Variants in TNS3 observed in about 807,000 individuals in gnomAD.
The protein encoded by TNS3 is tensin-3.
A neutral mutation model predicts 140.9 loss-of-function variants in TNS3; 45 were observed. The observed-to-expected ratio is 0.32, with a 90% CI of 0.25 to 0.41. The LOEUF is 0.41. TNS3 is among the 10% of genes least tolerant of loss of function. TNS3 has a pLI of 1.00. For synonymous variants in TNS3, 815 were observed against 788.4 expected, an observed-to-expected ratio of 1.03 and a Z score of -0.56; for missense variants, 1,716 against 1,906.7, an observed-to-expected ratio of 0.90 and a Z score of 1.86.
chr7:47,444,486 A>G (rs186192915), intron 4 of TNS3, among the ~76,000 whole-genome samples: 1 of 152,328 alleles, frequency 6.6e-6, no homozygotes, highest in East Asian at 1.9e-4. Context: ...GATGACAACC[A>G]CACAAATACG....
chr7:47,405,673 A>G, intron 13 of TNS3: 2 of 682,066 alleles, frequency 2.9e-6, no homozygotes, highest in Non-Finnish European at 2.7e-6. Flanking sequence ...AGGGAGAGGA[A>G]AAGGCAATCA....
intron 13 of TNS3, among the ~76,000 whole-genome samples, chr7:47,410,444 T>A (rs969129349): frequency 6.6e-6 from 1 of 152,202 alleles, no homozygotes; most frequent in Non-Finnish European, 1.5e-5. Context: ...AGACCTGCCT[T>A]CCAGGCCTGA....
At chr7:47,462,936 G>C (rs1319095173) in intron 4 of TNS3, among the ~76,000 whole-genome samples, 1 of 152,156 alleles carries the variant, frequency 6.6e-6, no homozygotes, top group African/African-American at 2.4e-5. Flanking sequence ...CTCAGGGAAA[G>C]AATCATTAAG....
intron 1 of TNS3, among the ~76,000 whole-genome samples, chr7:47,574,230 AC>A (rs1005484524): frequency 6.6e-6 from 1 of 151,730 alleles, no homozygotes; most frequent in African/African-American, 2.4e-5. Flanking sequence ...AAACCAAGCA[AC>A]CCCGAAGGCT....
chr7:47,305,228 A>T (rs186970839), intron 20 of TNS3, among the ~76,000 whole-genome samples: 2 of 152,316 alleles, frequency 1.3e-5, no homozygotes, highest in African/African-American at 4.8e-5. Context: ...GTTTCCAAAA[A>T]TAAAGCGACC....
In TNS3 at chr7:47,303,501, C is replaced by T. The variant is rs761353343; in HGVS notation, c.2906G>A (p.Ser969Asn). The change falls in exon 22 of 31, where the codon AGT (serine) becomes AAT (asparagine). Residue 969 changes from serine to asparagine, a missense_variant. Around this residue, in one of 3 missense-constraint regions of TNS3, gnomAD observed 1,163 missense variants for 1,182.1 expected, o/e 0.98. Transcript: ENST00000311160. Reference sequence around the variant, plus strand: ...ACCGGAGAACTCAGCGCTGAGGGGACTTCCGGTGGGCCGGCCGCTCCCCAG... The same window carrying T: ...ACCGGAGAACTCAGCGCTGAGGGGATTTCCGGTGGGCCGGCCGCTCCCCAG... The part of the protein sequence containing the change: ...SLLGSGRPTG[S>N]PLSAEFSGTR... 1.7e-5 allele frequency: 27 copies of T among 1,609,806 alleles called. No homozygotes were observed. The South Asian group carries it at 3.0e-4, about 18-fold the overall frequency.
At chr7:47,433,758 G>A (rs917999466) in intron 8 of TNS3, among the ~76,000 whole-genome samples, 2 of 152,154 alleles carry the variant, frequency 1.3e-5, no homozygotes, top group African/African-American at 4.8e-5. Flanking sequence ...AGCTTGCTAC[G>A]TGATCCTGGG....
chr7:47,567,178 A>G (rs1800448318), intron 1 of TNS3, among the ~76,000 whole-genome samples: 2 of 152,206 alleles, frequency 1.3e-5, no homozygotes, highest in Admixed American at 6.5e-5. Context: ...CATACTGTGC[A>G]ACAATCTACA....
At chr7:47,344,234 C>G (rs948267941) in intron 20 of TNS3, among the ~76,000 whole-genome samples, 1 of 152,158 alleles carries the variant, frequency 6.6e-6, no homozygotes, top group African/African-American at 2.4e-5. Flanking sequence ...AACACTCTCT[C>G]GCCTGAGCCA....
intron 4 of TNS3, among the ~76,000 whole-genome samples, chr7:47,463,804 T>C (rs1391908611): frequency 2.0e-5 from 3 of 152,218 alleles, no homozygotes; most frequent in Non-Finnish European, 2.9e-5. Context: ...CACAAAATTG[T>C]CCTTGGTATT....
chr7:47,439,914 G>A (rs1177128832), intron 5 of TNS3, among the ~76,000 whole-genome samples: 2 of 152,130 alleles, frequency 1.3e-5, no homozygotes, highest in African/African-American at 2.4e-5. Context: ...GTCAGGGAAC[G>A]CACAGAGAGA....
chr7:47,318,574 G>A (rs765162704), intron 20 of TNS3, among the ~76,000 whole-genome samples: 2 of 152,144 alleles, frequency 1.3e-5, no homozygotes, highest in Non-Finnish European at 2.9e-5. Context: ...GAAAAGAAAA[G>A]AGCCATCTGA....
At chr7:47,340,090 TAC>T (rs1788881448) in intron 20 of TNS3, among the ~76,000 whole-genome samples, 1 of 80,348 alleles carries the variant, frequency 1.2e-5, no homozygotes, top group Non-Finnish European at 2.6e-5. Context: ...TGTGTGCATA[TAC>T]ATATATATAT....
chr7:47,437,452 G>A, intron 6 of TNS3, 139 bp from the exon 7 acceptor site: 3 of 299,504 alleles, frequency 1.0e-5, no homozygotes, highest in Non-Finnish European at 1.7e-5. Flanking sequence ...CAAATCAGGG[G>A]GAAAAAAAGC....
At chr7:47,574,569 G>A (rs777210147) in intron 1 of TNS3, among the ~76,000 whole-genome samples, 2 of 151,922 alleles carry the variant, frequency 1.3e-5, no homozygotes, top group Non-Finnish European at 1.5e-5. Flanking sequence ...CCGAAGGGTA[G>A]AAGTAACTGA....
chr7:47,276,764 G>C lies in TNS3; in HGVS notation c.*1312C>G, dbSNP rs1784885944. 1 of 152,178 alleles carries C rather than the reference G, an allele frequency of 6.6e-6. No homozygotes were observed. The highest frequency in any genetic ancestry group is 1.5e-5 in the Non-Finnish European group (1 of 68,066). 9.4% of individuals were successfully genotyped at this position (152,178 alleles called of 1,614,324 possible). On this transcript the variant is annotated 3_prime_UTR_variant, in exon 31 of 31. Transcript: ENST00000311160. ...AGTGGCTTAGATGATGGCAAACAGTGGCACTCAAAAACAGCTTGTCAGTAC... is the reference window on the plus strand; with the variant it reads ...AGTGGCTTAGATGATGGCAAACAGTCGCACTCAAAAACAGCTTGTCAGTAC...
chr7:47,310,936 A>G (rs1053915067), intron 20 of TNS3, among the ~76,000 whole-genome samples: 3 of 152,184 alleles, frequency 2.0e-5, no homozygotes, highest in Non-Finnish European at 4.4e-5. Context: ...TCCATGGTGT[A>G]TATGTGCCAC....
In TNS3 at chr7:47,303,279, T is replaced by C. The variant is rs777102259; in HGVS notation, c.3128A>G (p.Asn1043Ser). ...PEEDLGALLA[N>S]SHGASPTPSI... is the part of the protein sequence containing the mutation. The stretch of plus-strand genomic sequence containing the variant: ...GGGGGTCGGTGACGCTCCATGAGAA[T>C]TGGCCAGCAAGGCCCCCAGGTCCTC... The change falls in exon 22 of 31, where the codon AAT (asparagine) becomes AGT (serine). Residue 1043 changes from asparagine to serine, a missense_variant. Transcript: ENST00000311160. The C allele has an allele frequency of 3.7e-6, 6 of 1,613,500 alleles. 1 individual carries two copies. The highest frequency in any genetic ancestry group is 4.5e-5 in the East Asian group (2 of 44,864).
intron 4 of TNS3, among the ~76,000 whole-genome samples, chr7:47,480,330 G>T (rs1393476970): frequency 6.6e-6 from 1 of 152,208 alleles, no homozygotes; most frequent in Non-Finnish European, 1.5e-5. Context: ...TGCCCCACCG[G>T]GGAGGCCCAG....
Sources: allele counts gnomAD v4.1 joint callset (sites outside exome capture counted in the v4.1 genomes callset), GRCh38; gene constraint gnomAD v4.1.1; regional missense constraint gnomAD v4.1.1; transcripts MANE v1.5; gene names NCBI Gene and HGNC (gene_info 2026-07-23, HGNC 2026-07-21).